Variants in ZNF568 observed in about 807,000 individuals in gnomAD.
The protein encoded by ZNF568 is p53 inhibitor of SCO2 activation.
In ZNF568, 11 loss-of-function variants were observed where a neutral mutation model predicts 18.1. That is an observed-to-expected ratio of 0.61 (90% CI 0.38 to 1.00). The LOEUF (loss-of-function observed/expected upper bound fraction) is 1.00, where lower values mean the gene tolerates loss of function less well. Among genes scored for constraint, ZNF568 ranks in the 50% least tolerant of loss-of-function variants. The pLI is 0.01. For synonymous variants in ZNF568, 213 were observed against 246.6 expected, an observed-to-expected ratio of 0.86 and a Z score of 1.28; for missense variants, 639 against 768.2, an observed-to-expected ratio of 0.83 and a Z score of 1.99.
intron 2 of ZNF568, among the ~76,000 whole-genome samples, chr19:36,922,300 G>A (rs1169391054): frequency 2.6e-5 from 4 of 152,140 alleles, no homozygotes; most frequent in Non-Finnish European, 5.9e-5. Context: ...CCTAGGGCTG[G>A]TTGAGTGTTG....
In ZNF568 at chr19:36,950,672, T is replaced by A; in HGVS notation, c.1519T>A (p.Cys507Ser). 6.2e-7 allele frequency: 1 copy of A among 1,613,942 alleles called. No individual in the cohort carries two copies. The highest frequency in any genetic ancestry group is 8.5e-7 in the Non-Finnish European group (1 of 1,179,948). Residue 507 changes from cysteine (C) to serine (S), a missense_variant, in exon 7 of 7, where the codon TGT becomes AGT. Cys to Ser is a moderately radical substitution (Grantham distance 112). Transcript: ENST00000333987. ...TGAGAAACCCTATGCATGTACAGTA[T>A]GTGGAAAAGCCTTTAGTCAGAAATC... ...TGEKPYACTV[C>S]GKAFSQKSNL...
At chr19:36,953,557 A>G (rs538539776), downstream of ZNF568, among the ~76,000 whole-genome samples, 1 of 152,234 alleles carries the variant, frequency 6.6e-6, no homozygotes, top group South Asian at 2.1e-4. Flanking sequence ...TGATGTTTTT[A>G]TTATGCCATC....
At chr19:36,975,752 TGAG>T (rs2074279825) in intron 7 of ZNF568, among the ~76,000 whole-genome samples, 1 of 29,778 alleles carries the variant, frequency 3.4e-5, no homozygotes, top group Non-Finnish European at 6.7e-5. Context: ...TGGTGTGATC[TGAG>T]CGTGATCTGA....
intron 6 of ZNF568, chr19:36,973,374 GT>G (rs949782760): frequency 2.6e-5 from 4 of 153,134 alleles, no homozygotes; most frequent in Non-Finnish European, 5.8e-5. Flanking sequence ...TCTCGGAGAT[GT>G]GCGGGCTGCA....
intron 4 of ZNF568, among the ~76,000 whole-genome samples, chr19:36,995,509 CTG>C (rs2074462587): frequency 6.6e-6 from 1 of 152,080 alleles, no homozygotes; most frequent in African/African-American, 2.4e-5. Context: ...TTAACAAACT[CTG>C]TAGTGTTTAA....
chr19:36,938,427 T>G (rs2073825573), intron 6 of ZNF568, among the ~76,000 whole-genome samples: 1 of 152,106 alleles, frequency 6.6e-6, no homozygotes, highest in Non-Finnish European at 1.5e-5. Context: ...TCATATATAC[T>G]TCAACAACCA....
chr19:36,996,203 G>T (rs1444788252), intron 4 of ZNF568: 4 of 826,138 alleles, frequency 4.8e-6, no homozygotes, highest in East Asian at 2.8e-5. Context: ...TTTTGTAATT[G>T]CAGTGTAAAG....
intron 7 of ZNF568, among the ~76,000 whole-genome samples, chr19:36,977,047 T>C (rs2074291699): frequency 6.6e-6 from 1 of 152,256 alleles, no homozygotes; most frequent in African/African-American, 2.4e-5. Flanking sequence ...CTTTGTCATT[T>C]ATACGTTGTT....
intron 6 of ZNF568, among the ~76,000 whole-genome samples, chr19:36,964,030 G>T (rs142888733): frequency 0.013 from 1,983 of 150,388 alleles, 50 homozygotes; most frequent in African/African-American, 0.046. Flanking sequence ...AAGGAAGGAA[G>T]GGAGGATGGA....
chr19:36,940,708 A>G (rs1339399943), intron 6 of ZNF568, among the ~76,000 whole-genome samples: 1 of 152,246 alleles, frequency 6.6e-6, no homozygotes, highest in African/African-American at 2.4e-5. Flanking sequence ...TAAACCAGAC[A>G]ACACCTAGAA....
At chr19:36,937,643 C>T (rs2146292101) in intron 6 of ZNF568, among the ~76,000 whole-genome samples, 1 of 152,220 alleles carries the variant, frequency 6.6e-6, no homozygotes, top group Non-Finnish European at 1.5e-5. Flanking sequence ...ACTTAGGTTT[C>T]TTTTCATTTC....
At chr19:36,943,571 T>C (rs1451602376) in intron 6 of ZNF568, among the ~76,000 whole-genome samples, 1 of 151,828 alleles carries the variant, frequency 6.6e-6, no homozygotes, top group East Asian at 1.9e-4. Flanking sequence ...ATTTTTCATA[T>C]ATTATTATTA....
At chr19:36,961,054 T>G (rs2074145438) in intron 6 of ZNF568, among the ~76,000 whole-genome samples, 4 of 152,198 alleles carry the variant, frequency 2.6e-5, no homozygotes, top group Admixed American at 1.3e-4. Flanking sequence ...TAAAGTCCAG[T>G]TTAAATCTAA....
At chr19:36,961,971 T>C (rs1170857757) in intron 6 of ZNF568, among the ~76,000 whole-genome samples, 1 of 148,548 alleles carries the variant, frequency 6.7e-6, no homozygotes, top group Admixed American at 6.8e-5. Context: ...GCCTGGGTAA[T>C]GTTTTTTTTA....
intron 6 of ZNF568, among the ~76,000 whole-genome samples, chr19:36,943,597 C>G (rs2073917921): frequency 6.6e-6 from 1 of 151,848 alleles, no homozygotes; most frequent in African/African-American, 2.4e-5. Context: ...ATATTGAAGA[C>G]AGAGTCTTGC....
At chr19:36,936,301 A>G (rs920245556) in intron 4 of ZNF568, among the ~76,000 whole-genome samples, 2 of 152,328 alleles carry the variant, frequency 1.3e-5, no homozygotes, top group Middle Eastern at 3.4e-3. Flanking sequence ...TTACTACTGC[A>G]TATAATGTTG....
intron 4 of ZNF568, among the ~76,000 whole-genome samples, chr19:36,934,304 C>CTTTTTTTTTTTTTTTTTT (rs201377492): frequency 7.8e-6 from 1 of 128,902 alleles, no homozygotes. Flanking sequence ...CTTCTAGTAT[C>CTTTTTTTTTTTTTTTTTT]TTTTTTTTTT....
chr19:36,991,359 G>A, intron 3 of ZNF568: 1 of 1,455,802 alleles, frequency 6.9e-7, no homozygotes, highest in Non-Finnish European at 9.0e-7. Flanking sequence ...TTGGCCTTCT[G>A]GAATTCTTAT....
At chr19:36,974,535 T>C in intron 7 of ZNF568, 1 of 1,402,352 alleles carries the variant, frequency 7.1e-7, no homozygotes, top group South Asian at 1.2e-5. Flanking sequence ...ATTTCAGAAA[T>C]TTATCTAAAA....
Sources: allele counts gnomAD v4.1 joint callset (sites outside exome capture counted in the v4.1 genomes callset), GRCh38; gene constraint gnomAD v4.1.1; transcripts MANE v1.5; gene names NCBI Gene and HGNC (gene_info 2026-07-23, HGNC 2026-07-21).